The following LCP2 variants were observed in gnomAD, a reference collection of about 807,000 sequenced individuals.
LCP2 encodes the protein lymphocyte cytosolic protein 2, also known as 76 kDa tyrosine phosphoprotein.
A neutral mutation model predicts 74.5 loss-of-function variants in LCP2; 29 were observed. The ratio of observed to expected loss-of-function variants is 0.39; its 90% CI spans 0.29 to 0.53. The LOEUF (loss-of-function observed/expected upper bound fraction) is 0.53, where lower values mean the gene tolerates loss of function less well. LCP2 is among the 20% of genes least tolerant of loss of function. The probability of loss-of-function intolerance (pLI) is 0.72; values close to 1 mark genes in which losing one functional copy is unlikely to be tolerated. For missense variants in LCP2, 604 were observed against 634.6 expected (o/e 0.95, Z 0.52); for synonymous variants, 228 against 229.5 (o/e 0.99, Z 0.06).
intron 3 of LCP2, among the ~76,000 whole-genome samples, chr5:170,278,808 A>C (rs1762054910): frequency 6.6e-6 from 1 of 152,134 alleles, no homozygotes; most frequent in African/African-American, 2.4e-5. Flanking sequence ...GCCTCAGCAG[A>C]GGAGCAGCAA....
chr5:170,254,511 C>T (rs539550194), intron 17 of LCP2, among the ~76,000 whole-genome samples: 3 of 152,202 alleles, frequency 2.0e-5, no homozygotes, highest in Non-Finnish European at 4.4e-5. Flanking sequence ...ATGCTCCTTC[C>T]CTGTTTCTAA....
At chr5:170,277,552 G>T (rs1221070725) in intron 3 of LCP2, among the ~76,000 whole-genome samples, 1 of 151,682 alleles carries the variant, frequency 6.6e-6, no homozygotes, top group African/African-American at 2.4e-5. Context: ...TTCGAGACCA[G>T]CCTGGCCAAC....
intron 18 of LCP2, among the ~76,000 whole-genome samples, chr5:170,252,778 C>A (rs1483764200): frequency 6.6e-6 from 1 of 152,168 alleles, no homozygotes; most frequent in African/African-American, 2.4e-5. Context: ...AGGAAAGATA[C>A]AGATACAATA....
At chr5:170,251,407 T>A (rs984335488) in intron 19 of LCP2, 3 of 214,918 alleles carry the variant, frequency 1.4e-5, no homozygotes, top group African/African-American at 6.9e-5. Context: ...ATGCAGATGT[T>A]CTCTTTTCTT....
chr5:170,262,888 A>C (rs1761685423), intron 11 of LCP2, 27 bp from the exon 12 acceptor site: 4 of 1,614,034 alleles, frequency 2.5e-6, no homozygotes, highest in Non-Finnish European at 3.4e-6. Flanking sequence ...AAAATGTATG[A>C]GTGTCCAAGC....
chr5:170,273,041 T>TAAAAAAAAAAAAA (rs10675735), intron 6 of LCP2, among the ~76,000 whole-genome samples: 1 of 147,572 alleles, frequency 6.8e-6, no homozygotes, highest in African/African-American at 2.5e-5. Context: ...ATAAACTCCT[T>TAAAAAAAAAAAAA]AAAAAAAAAA....
At chr5:170,250,958 C>A (rs1003278709) in intron 19 of LCP2, 73 bp from the exon 20 acceptor site, 405 of 1,238,612 alleles carry the variant, frequency 3.3e-4, no homozygotes, top group East Asian at 1.9e-3. Context: ...GAGTAGTAGA[C>A]AAGCCTCTAG....
intron 3 of LCP2, chr5:170,287,749 G>A (rs903581292): frequency 3.8e-5 from 22 of 579,930 alleles, no homozygotes; most frequent in Non-Finnish European, 6.8e-5. Flanking sequence ...CTTGTTTTTG[G>A]CAAGAGCATC....
intron 3 of LCP2, among the ~76,000 whole-genome samples, chr5:170,278,979 A>AG (rs1423161819): frequency 1.1e-4 from 16 of 152,252 alleles, no homozygotes; most frequent in African/African-American, 3.1e-4. Flanking sequence ...TGGGCATAGC[A>AG]GGGAGGTGGT....
In LCP2 at chr5:170,256,614, G is replaced by C. The variant is rs1477930916; in HGVS notation, c.1101-39C>G. 2.7e-6 allele frequency: 4 copies of C among 1,456,512 alleles called. No individual in the cohort carries two copies. The South Asian group carries it at 3.4e-5, about 12-fold the overall frequency. 90.2% of individuals were successfully genotyped at this position (1,456,512 alleles called of 1,614,324 possible). On this transcript the variant is annotated intron_variant, in intron 16 of 20. Coordinates refer to ENST00000046794, the MANE Select transcript of LCP2 (RefSeq NM_005565.5). The surrounding 1 kb of genome is among the most constrained non-coding windows in gnomAD (Gnocchi z 4.5). The stretch of plus-strand genomic sequence containing the variant: ...AAAAGAACAAAATTTATTTGGATTG[G>C]GGTGATGGGGCCAGACAGGGGAGCT...
chr5:170,273,483 C>G (rs1189439930), intron 6 of LCP2, among the ~76,000 whole-genome samples: 1 of 152,208 alleles, frequency 6.6e-6, no homozygotes, highest in African/African-American at 2.4e-5. Context: ...TTTCTGCCTT[C>G]TGAAGGCACT....
Position 170,256,690 on chromosome 5 carries a change from CT to C in LCP2, c.1101-116del. On this transcript the variant is annotated intron_variant, in intron 16 of 20. Transcript: ENST00000046794. The surrounding 1 kb of genome is among the most constrained non-coding windows in gnomAD (Gnocchi z 4.5). The stretch of plus-strand genomic sequence containing the variant: ...GCTTCTTGATTTGGTATCACTTTCC[CT>C]GCTGCCCCCAAAACCATGGGGGCTG... 2.7e-6 allele frequency: 2 copies of C among 745,382 alleles called. No homozygotes were observed. The highest frequency in any genetic ancestry group is 2.9e-5 in the South Asian group (2 of 68,154). 46.2% of individuals were successfully genotyped at this position (745,382 alleles called of 1,614,324 possible).
rs1761322352 is a variant in LCP2 at position 170,247,365 on chromosome 5, A to G, written c.*1332T>C. On this transcript the variant is annotated 3_prime_UTR_variant, in exon 21 of 21. Coordinates refer to ENST00000046794, the MANE Select transcript of LCP2 (RefSeq NM_005565.5). ...TTCTGCATACTCCTTATTTTAACAT[A>G]TCATCAGTTTTAAAATGGTGACTTC... 1 of 152,208 alleles carries G rather than the reference A, an allele frequency of 6.6e-6. No individual in the cohort carries two copies. The highest frequency in any genetic ancestry group is 2.4e-5 in the African/African-American group (1 of 41,452). 9.4% of individuals were successfully genotyped at this position (152,208 alleles called of 1,614,324 possible).
At chr5:170,295,997 G>T (rs1355869145) in intron 1 of LCP2, among the ~76,000 whole-genome samples, 1 of 152,164 alleles carries the variant, frequency 6.6e-6, no homozygotes, top group Non-Finnish European at 1.5e-5. Flanking sequence ...ATTCTCTGTT[G>T]CTCAATTGGA....
At chr5:170,296,802 C>T (rs1762395340) in intron 1 of LCP2, among the ~76,000 whole-genome samples, 1 of 152,202 alleles carries the variant, frequency 6.6e-6, no homozygotes. Context: ...CGCCACAAGC[C>T]TCTTTTCCTC....
At chr5:170,275,015 G>C (rs573273341) in intron 5 of LCP2, among the ~76,000 whole-genome samples, 8 of 151,382 alleles carry the variant, frequency 5.3e-5, no homozygotes, top group Admixed American at 5.2e-4. Flanking sequence ...AGGGGGACTA[G>C]CTAAGCTCAG....
At chr5:170,289,630 T>TC (rs1762245387) in intron 2 of LCP2, among the ~76,000 whole-genome samples, 2 of 97,624 alleles carry the variant, frequency 2.0e-5, no homozygotes, top group African/African-American at 9.0e-5. Flanking sequence ...TCTTTCTTTC[T>TC]TTCTTTCTTT....
chr5:170,279,101 G>A (rs1008716659), intron 3 of LCP2, among the ~76,000 whole-genome samples: 10 of 152,134 alleles, frequency 6.6e-5, no homozygotes, highest in African/African-American at 2.2e-4. Flanking sequence ...ATAAACCCCT[G>A]GCCTCGCTCA....
intron 13 of LCP2, among the ~76,000 whole-genome samples, chr5:170,261,970 G>A (rs139551334): frequency 3.7e-4 from 56 of 152,216 alleles, no homozygotes; most frequent in African/African-American, 1.3e-3. Context: ...CATTACTGAG[G>A]AGGTTTTTTG....
Sources: gnomAD v4.1 joint callset for allele counts (sites outside exome capture counted in the v4.1 genomes callset) on GRCh38, gnomAD v4.1.1 for gene constraint, Gnocchi (gnomAD v3.1) non-coding constraint, MANE v1.5 for transcripts, NCBI Gene and HGNC (gene_info 2026-07-23, HGNC 2026-07-21) for gene names.